The following CNGB3 variants were observed in gnomAD, a reference collection of about 807,000 sequenced individuals.
CNGB3 encodes the protein cyclic nucleotide-gated channel beta-3.
In CNGB3, 86 loss-of-function variants were observed where a neutral mutation model predicts 92.8. That is an observed-to-expected ratio of 0.93 (90% CI 0.78 to 1.11). CNGB3 has a LOEUF of 1.11. Among genes scored for constraint, CNGB3 ranks in the 50% least tolerant of loss-of-function variants. The pLI, the probability that CNGB3 is intolerant of heterozygous loss-of-function variation, is 0.00. For missense variants in CNGB3, 1,026 were observed against 956.8 expected (o/e 1.07, Z -0.95); for synonymous variants, 333 against 332.7 (o/e 1.00, Z -0.01).
At chr8:86,725,656 A>G (rs58212982) in intron 3 of CNGB3, among the ~76,000 whole-genome samples, 12,307 of 152,170 alleles carry the variant, frequency 0.081, 991 homozygotes, top group African/African-American at 0.21. Context: ...TCATTCAGCA[A>G]TTCCCTGGGT....
intron 3 of CNGB3, among the ~76,000 whole-genome samples, chr8:86,714,732 C>T (rs145692931): frequency 8.5e-5 from 13 of 152,248 alleles, no homozygotes; most frequent in African/African-American, 3.1e-4. Flanking sequence ...AATGAGGAGA[C>T]TAGTGGTCTG....
chr8:86,725,905 C>G (rs1376379106), intron 3 of CNGB3, among the ~76,000 whole-genome samples: 2 of 151,656 alleles, frequency 1.3e-5, no homozygotes, highest in Non-Finnish European at 2.9e-5. Flanking sequence ...GTACATAATA[C>G]CATGCCAAGA....
chr8:86,590,810 T>G (rs1035866112), intron 15 of CNGB3, among the ~76,000 whole-genome samples: 20 of 150,114 alleles, frequency 1.3e-4, no homozygotes, highest in South Asian at 4.3e-4. Flanking sequence ...ATCTGACAAT[T>G]ATGTGTCTTG....
chr8:86,678,505 A>C (rs1824017970), intron 3 of CNGB3, among the ~76,000 whole-genome samples: 1 of 152,154 alleles, frequency 6.6e-6, no homozygotes, highest in South Asian at 2.1e-4. Context: ...TATGATGCAC[A>C]ATTTCCTAAC....
intron 15 of CNGB3, among the ~76,000 whole-genome samples, chr8:86,581,262 C>A (rs1215060424): frequency 2.0e-5 from 3 of 152,168 alleles, no homozygotes. Context: ...GCAGCAGAAG[C>A]CCCTGGAGTC....
At chr8:86,695,938 A>G (rs1421902201) in intron 3 of CNGB3, among the ~76,000 whole-genome samples, 1 of 152,026 alleles carries the variant, frequency 6.6e-6, no homozygotes, top group Non-Finnish European at 1.5e-5. Flanking sequence ...GCCACCCAGT[A>G]GGGCTACTGG....
At chr8:86,674,937 TC>T (rs1382627790) in intron 3 of CNGB3, among the ~76,000 whole-genome samples, 1 of 125,518 alleles carries the variant, frequency 8.0e-6, no homozygotes, top group Non-Finnish European at 1.8e-5. Flanking sequence ...TTTCTTTCTC[TC>T]TTTTTGTTGT....
chr8:86,611,322 G>A (rs1432461484), intron 14 of CNGB3, among the ~76,000 whole-genome samples: 1 of 152,128 alleles, frequency 6.6e-6, no homozygotes, highest in Non-Finnish European at 1.5e-5. Flanking sequence ...AATAAGCTGT[G>A]ACGATTGATA....
At chr8:86,659,144 C>A in intron 6 of CNGB3, 1 of 709,846 alleles carries the variant, frequency 1.4e-6, no homozygotes, top group South Asian at 1.6e-5. Context: ...GTACCCGAGT[C>A]ATGCTGTGCT....
intron 15 of CNGB3, chr8:86,594,004 C>T (rs2131549662): frequency 2.3e-6 from 1 of 426,244 alleles, no homozygotes; most frequent in Non-Finnish European, 4.5e-6. Flanking sequence ...GGTACAAGTA[C>T]TCCTTATGGC....
intron 3 of CNGB3, among the ~76,000 whole-genome samples, chr8:86,694,762 C>T (rs1477326461): frequency 6.6e-6 from 1 of 151,698 alleles, no homozygotes; most frequent in Non-Finnish European, 1.5e-5. Flanking sequence ...AAGAGGCGCT[C>T]CTCACTTCCT....
Position 86,668,104 on chromosome 8 carries a change from C to T in CNGB3, c.558G>A (p.Arg186=). The T allele has an allele frequency of 6.2e-7, 1 of 1,613,758 alleles. No individual in the cohort carries two copies. Among genetic ancestry groups the T allele is most frequent in the Non-Finnish European group, 8.5e-7 (1 of 1,179,918 alleles). Reference sequence around the variant, plus strand: ...TCTTTTTGACTTTGAACCACAACAGCCTGTAGTAATGTTCTGTTGGCTTAT... The same window carrying T: ...TCTTTTTGACTTTGAACCACAACAGTCTGTAGTAATGTTCTGTTGGCTTAT... ...SDDKPTEHYY[R]LLWFKVKKMP... The change falls in exon 5 of 18, where the codon AGG becomes AGA. Residue 186 remains arginine, a synonymous_variant. Coordinates refer to ENST00000320005, the MANE Select transcript of CNGB3 (RefSeq NM_019098.5).
intron 7 of CNGB3, among the ~76,000 whole-genome samples, chr8:86,648,427 TC>T (rs1433793240): frequency 1.3e-4 from 19 of 151,306 alleles, no homozygotes; most frequent in African/African-American, 4.6e-4. Context: ...AAAGTATCTA[TC>T]AGAGCCTGTG....
At chr8:86,659,445 A>T in intron 6 of CNGB3, 2 of 645,696 alleles carry the variant, frequency 3.1e-6, no homozygotes, top group Non-Finnish European at 5.7e-6. Context: ...TGGATTCCTG[A>T]CTTCTCTGTC....
chr8:86,644,653 C>T lies in CNGB3; in HGVS notation c.1024G>A (p.Glu342Lys). The change falls in exon 9 of 18, where the codon GAG becomes AAG. Residue 342 changes from glutamate (E) to lysine (K), a missense_variant. By Grantham distance (56) the Glu-to-Lys change is moderately conservative. Coordinates refer to ENST00000320005, the MANE Select transcript of CNGB3 (RefSeq NM_019098.5). The stretch of plus-strand genomic sequence containing the variant: ...ATATATGCTTTGTCCATTATAGACT[C>T]TAGGTGATGATTAAATTCAAAAAAT... ...TSFFEFNHHL[E>K]SIMDKAYIYR... 6.3e-7 allele frequency: 1 copy of T among 1,593,100 alleles called. No homozygotes were observed. The highest frequency in any genetic ancestry group is 1.1e-5 in the South Asian group (1 of 88,894).
chr8:86,683,905 G>A, intron 3 of CNGB3, among the ~76,000 whole-genome samples: 1 of 152,142 alleles, frequency 6.6e-6, no homozygotes, highest in East Asian at 1.9e-4. Context: ...ATAGGGAGAA[G>A]TTCTGGATCT....
At chr8:86,608,009 C>T (rs1006581471) in intron 14 of CNGB3, among the ~76,000 whole-genome samples, 2 of 152,162 alleles carry the variant, frequency 1.3e-5, no homozygotes, top group African/African-American at 4.8e-5. Context: ...GTCATTCTAG[C>T]GTCTCCTTGT....
chr8:86,721,739 C>T (rs940431849), intron 3 of CNGB3, among the ~76,000 whole-genome samples: 4 of 151,988 alleles, frequency 2.6e-5, no homozygotes, highest in South Asian at 2.1e-4. Flanking sequence ...AAAAAAAATG[C>T]TTATAAATTA....
chr8:86,604,030 C>T lies in CNGB3; in HGVS notation c.1781+63G>A, dbSNP rs907234801. 2.8e-6 allele frequency: 3 copies of T among 1,068,978 alleles called. No individual in the cohort carries two copies. In the Admixed American group the frequency reaches 5.1e-5, roughly 18 times the overall value. The allele number at this position is 1,068,978 out of a possible 1,614,324, so 66.2% of individuals were successfully genotyped here. A position where few individuals can be genotyped will look rare whatever the true frequency, so the allele number is the denominator to read the frequency against. On this transcript the variant is annotated intron_variant, in intron 15 of 17. Transcript: ENST00000320005. ...ATCTGAGCGGGAACTTATTTTACTA[C>T]CTAAGACTTTTCTTTTATGACAAAT...
Sources: gnomAD v4.1 joint callset for allele counts (sites outside exome capture counted in the v4.1 genomes callset) on GRCh38, gnomAD v4.1.1 for gene constraint, MANE v1.5 for transcripts, NCBI Gene and HGNC (gene_info 2026-07-23, HGNC 2026-07-21) for gene names.